The following MIPOL1 variants were observed in gnomAD, a reference collection of about 807,000 sequenced individuals.
The protein encoded by MIPOL1 is mirror-image polydactyly gene 1 protein.
A neutral mutation model predicts 60.9 loss-of-function variants in MIPOL1; 57 were observed. The observed-to-expected ratio is 0.94, with a 90% CI of 0.76 to 1.17. The LOEUF (loss-of-function observed/expected upper bound fraction) is 1.17. Among genes scored for constraint, MIPOL1 ranks in the 50% most tolerant of loss-of-function variants. The pLI is 0.00. For missense variants in MIPOL1, 551 were observed against 511.6 expected (o/e 1.08, Z -0.74); for synonymous variants, 179 against 168.8 (o/e 1.06, Z -0.47).
intron 1 of MIPOL1, among the ~76,000 whole-genome samples, chr14:37,203,944 A>G (rs947198948): frequency 6.6e-6 from 1 of 152,020 alleles, no homozygotes; most frequent in African/African-American, 2.4e-5. Context: ...CACCACGCCC[A>G]GCTAATTTTT....
At chr14:37,471,032 G>A (rs2094681876) in intron 11 of MIPOL1, among the ~76,000 whole-genome samples, 1 of 152,078 alleles carries the variant, frequency 6.6e-6, no homozygotes, top group African/African-American at 2.4e-5. Context: ...TAAAAGCCCA[G>A]AATTCACCAC....
chr14:37,386,134 T>A (rs2093060296), intron 10 of MIPOL1, among the ~76,000 whole-genome samples: 1 of 152,092 alleles, frequency 6.6e-6, no homozygotes, highest in Non-Finnish European at 1.5e-5. Flanking sequence ...GCTTTTTAAA[T>A]AATTATATGG....
intron 1 of MIPOL1, among the ~76,000 whole-genome samples, chr14:37,242,809 T>C (rs1330560549): frequency 6.6e-6 from 1 of 152,194 alleles, no homozygotes; most frequent in African/African-American, 2.4e-5. Context: ...AACAGATCAG[T>C]TTCATGAAGG....
chr14:37,529,348 A>G (rs933259735), intron 12 of MIPOL1, among the ~76,000 whole-genome samples: 4 of 152,192 alleles, frequency 2.6e-5, no homozygotes, highest in African/African-American at 9.7e-5. Context: ...TACTGGTTGG[A>G]TACATTAAAA....
At chr14:37,231,463 C>A (rs959503767) in intron 1 of MIPOL1, among the ~76,000 whole-genome samples, 1 of 152,140 alleles carries the variant, frequency 6.6e-6, no homozygotes, top group African/African-American at 2.4e-5. Flanking sequence ...GGAAGTTCTG[C>A]ATTCCCACTG....
rs541286916 is a variant in MIPOL1 at position 37,381,669 on chromosome 14, A to G, written c.936+12045A>G. ...ACAGTTGTAGCTCACTGCAGCCCCAATCTTCCAGGCTCAAGTGATCCTCCC... is the reference window on the plus strand; with the variant it reads ...ACAGTTGTAGCTCACTGCAGCCCCAGTCTTCCAGGCTCAAGTGATCCTCCC... On this transcript the variant is annotated intron_variant, in intron 10 of 12. Transcript: ENST00000684589. Among the ~76,000 whole-genome samples, 21 of 152,008 alleles carry G rather than the reference A, an allele frequency of 1.4e-4. 1 individual carries two copies. In the South Asian group the frequency reaches 2.1e-3, roughly 15 times the overall value.
At chr14:37,426,570 C>CATATATATATATATAT (rs68123796) in intron 11 of MIPOL1, among the ~76,000 whole-genome samples, 6,464 of 84,714 alleles carry the variant, frequency 0.076, 454 homozygotes, top group Non-Finnish European at 0.084. Flanking sequence ...TCAAAATATA[C>CATATATATATATATAT]ATATATATAT....
chr14:37,443,083 AC>A (rs1414122590), intron 11 of MIPOL1, among the ~76,000 whole-genome samples: 4 of 152,210 alleles, frequency 2.6e-5, no homozygotes, highest in Non-Finnish European at 1.5e-5. Context: ...CTGCAAAGCT[AC>A]ACTAATCAAA....
intron 11 of MIPOL1, among the ~76,000 whole-genome samples, chr14:37,469,187 T>C (rs2094642857): frequency 6.6e-6 from 1 of 152,192 alleles, no homozygotes; most frequent in African/African-American, 2.4e-5. Flanking sequence ...GGAGGTTTAA[T>C]TGACTCACAG....
intron 12 of MIPOL1, among the ~76,000 whole-genome samples, chr14:37,526,687 A>C (rs1476917757): frequency 6.6e-6 from 1 of 151,784 alleles, no homozygotes; most frequent in Non-Finnish European, 1.5e-5. Flanking sequence ...GGCCTGGTTT[A>C]ATTTTTAAAA....
intron 10 of MIPOL1, among the ~76,000 whole-genome samples, chr14:37,394,974 C>G (rs751019184): frequency 6.6e-6 from 1 of 152,064 alleles, no homozygotes; most frequent in Non-Finnish European, 1.5e-5. Context: ...GTTTCATTCT[C>G]CTACATGTGC....
intron 11 of MIPOL1, among the ~76,000 whole-genome samples, chr14:37,493,374 G>T (rs1229452814): frequency 1.3e-5 from 2 of 152,078 alleles, no homozygotes; most frequent in African/African-American, 4.8e-5. Flanking sequence ...AGCTGAGGTG[G>T]CATAGAGAGT....
At chr14:37,540,443 AT>A (rs1266043159) in intron 12 of MIPOL1, among the ~76,000 whole-genome samples, 1 of 152,104 alleles carries the variant, frequency 6.6e-6, no homozygotes, top group African/African-American at 2.4e-5. Context: ...GCATATGTAC[AT>A]TTTTATATCT....
At chr14:37,375,981 T>C (rs1223712366) in intron 10 of MIPOL1, among the ~76,000 whole-genome samples, 1 of 152,202 alleles carries the variant, frequency 6.6e-6, no homozygotes. Flanking sequence ...TTCTAAAGAA[T>C]AAATGTTCTC....
intron 7 of MIPOL1, among the ~76,000 whole-genome samples, chr14:37,287,523 A>C (rs2084674003): frequency 6.6e-6 from 1 of 152,118 alleles, no homozygotes; most frequent in Non-Finnish European, 1.5e-5. Flanking sequence ...CAAAGCACTG[A>C]GATTACAGGC....
intron 1 of MIPOL1, among the ~76,000 whole-genome samples, chr14:37,207,263 A>G (rs1966237108): frequency 6.6e-6 from 1 of 152,068 alleles, no homozygotes; most frequent in Non-Finnish European, 1.5e-5. Flanking sequence ...TGATGGTTTT[A>G]TAGAACCCTT....
Position 37,234,942 on chromosome 14 carries a change from A to ATTT in MIPOL1, c.-198-12141_-198-12139dup, listed in dbSNP as rs5807941. Among the ~76,000 whole-genome samples, 141 of 116,822 alleles carry ATTT rather than the reference A, an allele frequency of 1.2e-3. 1 individual carries two copies. Among genetic ancestry groups the ATTT allele is most frequent in the African/African-American group, 3.6e-3 (111 of 30,924 alleles). The allele number at this position is 116,822 out of a possible 152,430, so 76.6% of individuals were successfully genotyped here. A position where few individuals can be genotyped will look rare whatever the true frequency, so the allele number is the denominator to read the frequency against. On this transcript the variant is annotated intron_variant, in intron 1 of 12. Transcript: ENST00000684589. ...AGGCGCCCACCACCACGTACGGCTA[A>ATTT]TTTTTTTTTTTTTTTTTTTTTTGTA...
In MIPOL1 at chr14:37,250,944, A is replaced by G. The variant is rs966075325; in HGVS notation, c.19+3037A>G. On this transcript the variant is annotated intron_variant, in intron 3 of 12. Transcript: ENST00000684589. ...GTTGATAAGATTGATAATGTAACATATAGAACCATTTATGTTTTTCTTTGT... is the reference window on the plus strand; with the variant it reads ...GTTGATAAGATTGATAATGTAACATGTAGAACCATTTATGTTTTTCTTTGT... 5.9e-5 allele frequency among the ~76,000 whole-genome samples: 9 copies of G among 152,318 alleles called. No homozygotes were observed. In the East Asian group the frequency reaches 1.4e-3, roughly 23 times the overall value.
chr14:37,329,742 C>T (rs1464822275), intron 9 of MIPOL1, among the ~76,000 whole-genome samples: 4 of 152,104 alleles, frequency 2.6e-5, no homozygotes, highest in African/African-American at 9.7e-5. Flanking sequence ...CCAGTAAACA[C>T]TAATACTCTT....
Sources: allele counts gnomAD v4.1 joint callset (sites outside exome capture counted in the v4.1 genomes callset), GRCh38; gene constraint gnomAD v4.1.1; transcripts MANE v1.5; gene names NCBI Gene and HGNC (gene_info 2026-07-23, HGNC 2026-07-21).